The following TTC39A variants were observed in gnomAD, a reference collection of about 807,000 sequenced individuals.
The protein encoded by TTC39A is tetratricopeptide repeat protein 39A.
TTC39A carries 46 observed loss-of-function variants against 82.3 expected under a neutral mutation model. The ratio of observed to expected loss-of-function variants is 0.56; its 90% CI spans 0.44 to 0.71. The LOEUF (loss-of-function observed/expected upper bound fraction) is 0.71. Ranked by LOEUF, TTC39A falls within the 30% of genes least tolerant of loss-of-function variation. The pLI is 0.00. For missense variants in TTC39A, 543 were observed against 712.9 expected, an observed-to-expected ratio of 0.76 and a Z score of 2.71; for synonymous variants, 254 against 275.2, an observed-to-expected ratio of 0.92 and a Z score of 0.76.
At chr1:51,305,884 A>G in intron 7 of TTC39A, 93 bp downstream of exon 7, 1 of 1,239,060 alleles carries the variant, frequency 8.1e-7, no homozygotes, top group Non-Finnish European at 1.2e-6. Flanking sequence ...AGCCAGGTGC[A>G]GGGGCACTTG....
intron 2 of TTC39A, among the ~76,000 whole-genome samples, chr1:51,316,703 G>C (rs1311005415): frequency 6.6e-6 from 1 of 152,178 alleles, no homozygotes; most frequent in Non-Finnish European, 1.5e-5. Flanking sequence ...CTCTTGGCAG[G>C]TGACCTTGCC....
Position 51,294,307 on chromosome 1 carries a change from T to C in TTC39A, c.1266+84A>G, listed in dbSNP as rs1644329446. 1 of 1,595,278 alleles carries C rather than the reference T, an allele frequency of 6.3e-7. No homozygotes were observed. The highest frequency in any genetic ancestry group is 8.6e-7 in the Non-Finnish European group (1 of 1,168,630). On this transcript the variant is annotated intron_variant, in intron 14 of 17. Transcript: ENST00000680483. This position sits in a 1 kb window ranked among gnomAD's most constrained non-coding sequence, Gnocchi z 4.3. ...TGAGGCATGAAGGTCTTTCTCCTCATCCACCTCCCCCTGGCTGTGGCTCTC... is the reference window on the plus strand; with the variant it reads ...TGAGGCATGAAGGTCTTTCTCCTCACCCACCTCCCCCTGGCTGTGGCTCTC...
At chr1:51,326,896 C>T (rs570301658) in intron 1 of TTC39A, among the ~76,000 whole-genome samples, 4 of 152,268 alleles carry the variant, frequency 2.6e-5, no homozygotes, top group African/African-American at 4.8e-5. Context: ...AGGAGAGGGA[C>T]GCGGAGAAGA....
Position 51,330,430 on chromosome 1 carries a change from C to T in TTC39A, c.41+7G>A. 2 of 982,608 alleles carry T rather than the reference C, an allele frequency of 2.0e-6. No homozygotes were observed. The highest frequency in any genetic ancestry group is 2.4e-6 in the Non-Finnish European group (2 of 829,528). The allele number at this position is 982,608 out of a possible 1,614,324, so 60.9% of individuals were successfully genotyped here. A position where few individuals can be genotyped will look rare whatever the true frequency, so the allele number is the denominator to read the frequency against. On this transcript the variant is annotated splice_region_variant and intron_variant, in intron 1 of 17. Coordinates refer to ENST00000680483, the MANE Select transcript of TTC39A (RefSeq NM_001297663.2). This position sits in a 1 kb window ranked among gnomAD's most constrained non-coding sequence, Gnocchi z 4.5. ...CGCGCCCCCGGGCCTCCCAGCCGCGCACTTACCCCGCGGGCAGGGCTCCTG... is the reference window on the plus strand; with the variant it reads ...CGCGCCCCCGGGCCTCCCAGCCGCGTACTTACCCCGCGGGCAGGGCTCCTG...
intron 1 of TTC39A, among the ~76,000 whole-genome samples, chr1:51,323,374 A>T (rs1645598504): frequency 6.6e-6 from 1 of 152,168 alleles, no homozygotes; most frequent in Admixed American, 6.6e-5. Context: ...TCATCCTCCC[A>T]AAGTGCTGGG....
intron 14 of TTC39A, among the ~76,000 whole-genome samples, chr1:51,292,552 T>C (rs1557696702): frequency 6.6e-6 from 1 of 152,116 alleles, no homozygotes; most frequent in Non-Finnish European, 1.5e-5. Flanking sequence ...CACCTCAGCC[T>C]CCCAAGAAAC....
At chr1:51,313,056 A>T in intron 2 of TTC39A, 113 bp from the exon 3 acceptor site, 1 of 1,425,880 alleles carries the variant, frequency 7.0e-7, no homozygotes, top group Non-Finnish European at 9.5e-7. Flanking sequence ...AGGGGACCAG[A>T]GGTCCAGGCA....
chr1:51,288,766 ACT>A lies in TTC39A; in HGVS notation c.1610+71_1610+72del. 4 of 1,430,578 alleles carry A rather than the reference ACT, an allele frequency of 2.8e-6. No individual in the cohort carries two copies. The highest frequency in any genetic ancestry group is 3.8e-6 in the Non-Finnish European group (4 of 1,040,546). The allele number at this position is 1,430,578 out of a possible 1,614,324, so 88.6% of individuals were successfully genotyped here. ...AACTCCACTCACTGCTCTCTGGGCA[ACT>A]CTGTCCCCAGCCAGCTCCTGAGCTG... is the stretch of plus-strand genomic sequence containing the variant. On this transcript the variant is annotated intron_variant, in intron 17 of 17. Transcript: ENST00000680483. The surrounding 1 kb of genome is among the most constrained non-coding windows in gnomAD (Gnocchi z 4.8).
In TTC39A at chr1:51,312,867, G is replaced by A; in HGVS notation, c.223C>T (p.Gln75Ter). Residue 75 changes from glutamine to a stop codon, truncating the protein, a stop_gained, in exon 3 of 18, where the codon CAG (glutamine) becomes TAG (stop). Transcript: ENST00000680483. LOFTEE classifies it high-confidence loss of function. ...ATGTTGCCGGCAAGCAGGATGTCCT[G>A]AGGGTCAAAGGTCATCATGGCCTGC... Reference protein sequence around the residue: ...EMQAMMTFDPQDILLAGNMMK... With the variant: ...EMQAMMTFDP 9 of 1,613,968 alleles carry A rather than the reference G, an allele frequency of 5.6e-6. No individual in the cohort carries two copies. Among genetic ancestry groups the A allele is most frequent in the East Asian group, 2.2e-5 (1 of 44,884 alleles).
At chr1:51,319,606 G>C (rs1016636136) in intron 2 of TTC39A, among the ~76,000 whole-genome samples, 1 of 151,972 alleles carries the variant, frequency 6.6e-6, no homozygotes, top group Non-Finnish European at 1.5e-5. Context: ...GTAAATGCTA[G>C]AACACTGAAG....
chr1:51,341,520 A>G (rs1279764813), intron 1 of TTC39A, among the ~76,000 whole-genome samples: 1 of 152,158 alleles, frequency 6.6e-6, no homozygotes, highest in Non-Finnish European at 1.5e-5. Flanking sequence ...TAAATGTTCC[A>G]AGTTTGAACC....
chr1:51,302,009 G>A, intron 11 of TTC39A: 1 of 677,760 alleles, frequency 1.5e-6, no homozygotes, highest in East Asian at 2.7e-5. Context: ...GAGCTATAAT[G>A]GAGGGGAGGT....
intron 15 of TTC39A, 144 bp downstream of exon 15, chr1:51,290,370 C>T (rs140853407): frequency 5.9e-4 from 476 of 813,022 alleles, no homozygotes; most frequent in Non-Finnish European, 8.0e-4. Context: ...GGACAAGGAA[C>T]AGCTGCTTGG....
At chr1:51,301,937 G>A in intron 11 of TTC39A, 1 of 695,026 alleles carries the variant, frequency 1.4e-6, no homozygotes, top group Non-Finnish European at 2.4e-6. Context: ...CATGACGTTG[G>A]GCTCAAATAC....
chr1:51,330,354 G>T lies in TTC39A; in HGVS notation c.41+83C>A, dbSNP rs2148311444. 1.1e-6 allele frequency: 1 copy of T among 927,202 alleles called. No individual in the cohort carries two copies. Among genetic ancestry groups the T allele is most frequent in the Non-Finnish European group, 1.3e-6 (1 of 778,980 alleles). The allele number at this position is 927,202 out of a possible 1,614,324, so 57.4% of individuals were successfully genotyped here. ...TGCGGCCCCAGGCCGGTGCGCGGGG[G>T]GAGGCCTGGCGCGGCGCCCGCCACC... On this transcript the variant is annotated intron_variant, in intron 1 of 17. Transcript: ENST00000680483. This position sits in a 1 kb window ranked among gnomAD's most constrained non-coding sequence, Gnocchi z 4.5.
intron 2 of TTC39A, among the ~76,000 whole-genome samples, chr1:51,320,416 C>CTTTTTTTTTT (rs57261779): frequency 5.0e-5 from 4 of 79,440 alleles, no homozygotes; most frequent in Non-Finnish European, 7.1e-5. Context: ...TTTTCTTTTT[C>CTTTTTTTTTT]TTTTTTTTTT....
At chr1:51,322,636 C>T (rs1441852918) in intron 1 of TTC39A, among the ~76,000 whole-genome samples, 1 of 152,160 alleles carries the variant, frequency 6.6e-6, no homozygotes, top group Non-Finnish European at 1.5e-5. Context: ...GCTAGGAAAG[C>T]AAACCCCTGA....
In TTC39A at chr1:51,302,491, G is replaced by A; in HGVS notation, c.831+15C>T. ...GTTTGTGGGCTGGGGGTACCGGGCA[G>A]CACATGGGGCTCACCTTAGGGTACC... On this transcript the variant is annotated intron_variant, in intron 10 of 17. Coordinates refer to ENST00000680483, the MANE Select transcript of TTC39A (RefSeq NM_001297663.2). 3.1e-6 allele frequency: 5 copies of A among 1,608,702 alleles called. No homozygotes were observed. Among genetic ancestry groups the A allele is most frequent in the Non-Finnish European group, 4.2e-6 (5 of 1,177,530 alleles).
chr1:51,327,317 A>G (rs895835119), intron 1 of TTC39A, among the ~76,000 whole-genome samples: 1 of 152,244 alleles, frequency 6.6e-6, no homozygotes, highest in Non-Finnish European at 1.5e-5. Flanking sequence ...TGGCTCAACG[A>G]GTAAAATAAT....
Sources: allele counts gnomAD v4.1 joint callset (sites outside exome capture counted in the v4.1 genomes callset), GRCh38; gene constraint gnomAD v4.1.1; non-coding constraint Gnocchi (gnomAD v3.1); transcripts MANE v1.5; gene names NCBI Gene and HGNC (gene_info 2026-07-23, HGNC 2026-07-21).